TCERG1L: variants seen among roughly 807,000 people sequenced by gnomAD.
The protein encoded by TCERG1L is transcription elongation regulator 1-like protein.
TCERG1L carries 37 observed loss-of-function variants against 56.3 expected under a neutral mutation model. That is an observed-to-expected ratio of 0.66 (90% CI 0.51 to 0.87). The LOEUF is 0.87. Among genes scored for constraint, TCERG1L ranks in the 40% least tolerant of loss-of-function variants. TCERG1L has a pLI of 0.00. For synonymous variants in TCERG1L, 324 were observed against 326.3 expected, an observed-to-expected ratio of 0.99 and a Z score of 0.08; for missense variants, 799 against 774.2, an observed-to-expected ratio of 1.03 and a Z score of -0.38.
At chr10:131,186,450 G>A (rs533009072) in intron 4 of TCERG1L, among the ~76,000 whole-genome samples, 95 of 152,324 alleles carry the variant, frequency 6.2e-4, no homozygotes, top group African/African-American at 2.2e-3. Flanking sequence ...ACTCATAAGA[G>A]GTCCAAAGAG....
At chr10:131,264,394 T>C (rs1255771637) in intron 3 of TCERG1L, among the ~76,000 whole-genome samples, 1 of 152,150 alleles carries the variant, frequency 6.6e-6, no homozygotes, top group Non-Finnish European at 1.5e-5. Flanking sequence ...TGGATCTCTA[T>C]AGGGTGTGAT....
chr10:131,164,167 A>C (rs2944527), intron 5 of TCERG1L: 111,794 of 147,960 alleles, frequency 0.76, 42,856 homozygotes, highest in African/African-American at 0.86. Flanking sequence ...AAAAAAGAAA[A>C]TTTATCACCT....
intron 4 of TCERG1L, among the ~76,000 whole-genome samples, chr10:131,210,685 G>T (rs1036034163): frequency 6.6e-6 from 1 of 151,754 alleles, no homozygotes; most frequent in African/African-American, 2.4e-5. Flanking sequence ...CCTCATCTCC[G>T]CCCTTCCCTC....
At chr10:131,222,241 T>A (rs1845741634) in intron 4 of TCERG1L, among the ~76,000 whole-genome samples, 1 of 152,250 alleles carries the variant, frequency 6.6e-6, no homozygotes, top group South Asian at 2.1e-4. Context: ...TATTGGTGCA[T>A]ACTCAGGCAT....
rs1420515988 is a variant in TCERG1L at position 131,260,512 on chromosome 10, C to T, written c.671-68G>A. 14 of 1,314,982 alleles carry T rather than the reference C, an allele frequency of 1.1e-5. No individual in the cohort carries two copies. In the Admixed American group the frequency reaches 1.2e-4, roughly 12 times the overall value. 81.5% of individuals were successfully genotyped at this position (1,314,982 alleles called of 1,614,324 possible). On this transcript the variant is annotated intron_variant, in intron 3 of 11. Coordinates refer to ENST00000368642, the MANE Select transcript of TCERG1L (RefSeq NM_174937.4). This position sits in a 1 kb window ranked among gnomAD's most constrained non-coding sequence, Gnocchi z 5.8. ...GGCCATGGGTGACAGATGCCCATCT[C>T]GCTACCGCAAGATATCAGCCCCCAG...
At chr10:131,105,587 GAAT>G (rs1187226321) in intron 9 of TCERG1L, among the ~76,000 whole-genome samples, 1 of 152,034 alleles carries the variant, frequency 6.6e-6, no homozygotes, top group Non-Finnish European at 1.5e-5. Context: ...GGAGGTGATG[GAAT>G]ACTCGTTCAT....
chr10:131,151,425 C>CA (rs1283966292), intron 6 of TCERG1L, among the ~76,000 whole-genome samples: 1 of 152,160 alleles, frequency 6.6e-6, no homozygotes, highest in Admixed American at 6.5e-5. Context: ...TCCAATACGG[C>CA]AGTCATTAAG....
At chr10:131,276,911 C>G (rs945597784) in intron 3 of TCERG1L, among the ~76,000 whole-genome samples, 2 of 152,176 alleles carry the variant, frequency 1.3e-5, no homozygotes, top group African/African-American at 4.8e-5. Flanking sequence ...CTACAAACTC[C>G]AGAATGAATA....
chr10:131,198,889 G>A (rs1254240488), intron 4 of TCERG1L, among the ~76,000 whole-genome samples: 1 of 152,266 alleles, frequency 6.6e-6, no homozygotes, highest in African/African-American at 2.4e-5. Context: ...GCAGCGCCAC[G>A]TGGACAACAC....
At chr10:131,093,568 C>T (rs977726205) in intron 11 of TCERG1L, among the ~76,000 whole-genome samples, 8 of 152,120 alleles carry the variant, frequency 5.3e-5, no homozygotes, top group Non-Finnish European at 1.2e-4. Flanking sequence ...CGGAAATGAG[C>T]GGCCCCCACC....
intron 3 of TCERG1L, among the ~76,000 whole-genome samples, chr10:131,290,785 A>ATTG (rs1846608164): frequency 2.0e-5 from 3 of 151,612 alleles, no homozygotes; most frequent in African/African-American, 4.9e-5. Context: ...AACACTTACC[A>ATTG]CATTGGAGGT....
chr10:131,119,173 T>C (rs1187162919), intron 8 of TCERG1L, among the ~76,000 whole-genome samples: 1 of 152,140 alleles, frequency 6.6e-6, no homozygotes, highest in Non-Finnish European at 1.5e-5. Context: ...GGCAGGTCTG[T>C]CCAAGGTCCT....
At chr10:131,124,588 C>G (rs953333538) in intron 8 of TCERG1L, among the ~76,000 whole-genome samples, 1 of 152,182 alleles carries the variant, frequency 6.6e-6, no homozygotes, top group African/African-American at 2.4e-5. Context: ...AGCTCTACGC[C>G]ATGCAGGAGC....
chr10:131,284,063 C>T (rs1038421029), intron 3 of TCERG1L, among the ~76,000 whole-genome samples: 41 of 148,720 alleles, frequency 2.8e-4, no homozygotes, highest in Admixed American at 2.5e-3. Flanking sequence ...GGGGGCGAGG[C>T]TGCAGTGAGC....
chr10:131,263,332 A>G (rs1426446501), intron 3 of TCERG1L, among the ~76,000 whole-genome samples: 1 of 152,192 alleles, frequency 6.6e-6, no homozygotes, highest in African/African-American at 2.4e-5. Context: ...ATAATAACAC[A>G]CTTTAGAAAA....
chr10:131,231,379 C>T (rs922946393), intron 4 of TCERG1L, among the ~76,000 whole-genome samples: 1 of 152,202 alleles, frequency 6.6e-6, no homozygotes, highest in Non-Finnish European at 1.5e-5. Flanking sequence ...CTCCACAGCC[C>T]CACCCTTACC....
At chr10:131,096,487 G>A (rs1423868410) in intron 11 of TCERG1L, among the ~76,000 whole-genome samples, 1 of 152,198 alleles carries the variant, frequency 6.6e-6, no homozygotes, top group Non-Finnish European at 1.5e-5. Context: ...AGCTAGAGAA[G>A]TTTTATGAGG....
At chr10:131,257,766 T>C (rs1203830693) in intron 4 of TCERG1L, among the ~76,000 whole-genome samples, 1 of 152,162 alleles carries the variant, frequency 6.6e-6, no homozygotes, top group Non-Finnish European at 1.5e-5. Context: ...ATAGTCACAC[T>C]GCCAAATACC....
At chr10:131,191,391 C>T (rs1386521346) in intron 4 of TCERG1L, among the ~76,000 whole-genome samples, 2 of 143,698 alleles carry the variant, frequency 1.4e-5, no homozygotes, top group Non-Finnish European at 3.1e-5. Context: ...TTCTAAAATT[C>T]ATATGGAACC....
Sources: allele counts gnomAD v4.1 joint callset (sites outside exome capture counted in the v4.1 genomes callset), GRCh38; gene constraint gnomAD v4.1.1; non-coding constraint Gnocchi (gnomAD v3.1); transcripts MANE v1.5; gene names NCBI Gene and HGNC (gene_info 2026-07-23, HGNC 2026-07-21).